The following ARFGEF2 variants were observed in gnomAD, a reference collection of about 807,000 sequenced individuals.
The protein encoded by ARFGEF2 is ARF guanine nucleotide exchange factor 2, also known as brefeldin A-inhibited guanine nucleotide-exchange protein 2.
Under a neutral mutation model 219.9 loss-of-function variants are expected in ARFGEF2, and 74 were observed. That is an observed-to-expected ratio of 0.34 (90% CI 0.28 to 0.41). The LOEUF (loss-of-function observed/expected upper bound fraction) is 0.41. ARFGEF2 is among the 10% of genes least tolerant of loss of function. The pLI is 1.00. For missense variants in ARFGEF2, 1,743 were observed against 2,218.3 expected, an observed-to-expected ratio of 0.79 and a Z score of 4.30; for synonymous variants, 733 against 799.2, an observed-to-expected ratio of 0.92 and a Z score of 1.40.
intron 34 of ARFGEF2, among the ~76,000 whole-genome samples, chr20:49,020,192 GC>G (rs2091557713): frequency 6.6e-6 from 1 of 152,148 alleles, no homozygotes; most frequent in African/African-American, 2.4e-5. Context: ...AAAGTTGTGT[GC>G]CCCATTGTTT....
chr20:49,017,135 A>G, intron 31 of ARFGEF2, 114 bp from the exon 32 acceptor site: 3 of 1,062,094 alleles, frequency 2.8e-6, no homozygotes. Flanking sequence ...CATTAATTAA[A>G]AGCCTAGAAA....
chr20:48,958,245 C>T (rs1275392248), intron 6 of ARFGEF2, among the ~76,000 whole-genome samples: 2 of 152,106 alleles, frequency 1.3e-5, no homozygotes, highest in Non-Finnish European at 2.9e-5. Context: ...GTTTTAAATG[C>T]TTTATGTGTA....
chr20:48,995,597 A>AT (rs1310591990), intron 22 of ARFGEF2, among the ~76,000 whole-genome samples, 186 bp from the exon 23 acceptor site: 5 of 152,230 alleles, frequency 3.3e-5, no homozygotes, highest in Non-Finnish European at 7.3e-5. Context: ...CTAAGGATAT[A>AT]TTTTAAATGC....
At chr20:48,974,153 TCTCA>T (rs1451181796) in intron 12 of ARFGEF2, among the ~76,000 whole-genome samples, 1 of 106,316 alleles carries the variant, frequency 9.4e-6, no homozygotes, top group Non-Finnish European at 1.8e-5. Flanking sequence ...TGAGACAGAA[TCTCA>T]CTCTGTCACC....
intron 33 of ARFGEF2, 55 bp downstream of exon 33, chr20:49,017,605 G>C (rs1252047948): frequency 6.3e-7 from 1 of 1,585,278 alleles, no homozygotes; most frequent in Non-Finnish European, 8.7e-7. Flanking sequence ...CTTAGTAAAA[G>C]ATCAATAAGC....
At chr20:49,001,246 G>A (rs1163455573) in intron 25 of ARFGEF2, among the ~76,000 whole-genome samples, 1 of 151,866 alleles carries the variant, frequency 6.6e-6, no homozygotes, top group Non-Finnish European at 1.5e-5. Flanking sequence ...CACCATGTTG[G>A]CCAGGCTGGT....
chr20:48,936,737 G>C (rs1255873606), intron 1 of ARFGEF2, among the ~76,000 whole-genome samples: 1 of 152,134 alleles, frequency 6.6e-6, no homozygotes, highest in South Asian at 2.1e-4. Context: ...ATGTTGGCCA[G>C]GCTGGTTTTG....
At chr20:49,005,035 A>G (rs2091449288) in intron 25 of ARFGEF2, 35 bp from the exon 26 acceptor site, 5 of 1,613,728 alleles carry the variant, frequency 3.1e-6, no homozygotes, top group Admixed American at 3.3e-5. Context: ...TTATTACACT[A>G]TACCTGTTTC....
At chr20:49,008,804 T>C (rs1568735182) in intron 26 of ARFGEF2, among the ~76,000 whole-genome samples, 1 of 147,228 alleles carries the variant, frequency 6.8e-6, no homozygotes, top group African/African-American at 2.5e-5. Context: ...GCCTCCCAGG[T>C]TCAAACTATT....
At position 49,036,559 on chromosome 20, in the gene ARFGEF2, A is replaced by G; in HGVS notation, c.*3360A>G. On this transcript the variant is annotated 3_prime_UTR_variant, in exon 39 of 39. Transcript: ENST00000371917. ...CATTCCTTGCCCAATGGATGTATAA[A>G]TTTTTGAAAGAATAAGCAGAATTAT... The G allele has an allele frequency of 4.1e-6, 1 of 245,020 alleles. No individual in the cohort carries two copies. Among genetic ancestry groups the G allele is most frequent in the Non-Finnish European group, 7.7e-6 (1 of 130,008 alleles). 15.2% of individuals were successfully genotyped at this position (245,020 alleles called of 1,614,324 possible).
chr20:48,968,273 G>A (rs1016046099), intron 8 of ARFGEF2, among the ~76,000 whole-genome samples: 3 of 152,082 alleles, frequency 2.0e-5, no homozygotes, highest in Non-Finnish European at 4.4e-5. Flanking sequence ...GATTACAGGC[G>A]TGAGCCACCG....
At chr20:48,935,330 C>T (rs1306646518) in intron 1 of ARFGEF2, among the ~76,000 whole-genome samples, 1 of 152,112 alleles carries the variant, frequency 6.6e-6, no homozygotes, top group Non-Finnish European at 1.5e-5. Flanking sequence ...ATCTGTTTAA[C>T]AAAGCACATC....
At chr20:49,006,151 G>A (rs796295897) in intron 26 of ARFGEF2, among the ~76,000 whole-genome samples, 43 of 152,086 alleles carry the variant, frequency 2.8e-4, no homozygotes, top group African/African-American at 9.7e-4. Flanking sequence ...AAAGTTAGCC[G>A]GGCGTGGTGG....
At chr20:48,999,932 AC>A (rs935588717) in intron 25 of ARFGEF2, among the ~76,000 whole-genome samples, 16 of 152,158 alleles carry the variant, frequency 1.1e-4, no homozygotes, top group Admixed American at 8.5e-4. Context: ...TAGTAAAAAA[AC>A]AATCCAGAAA....
chr20:48,967,265 G>A (rs2091194023), intron 8 of ARFGEF2, among the ~76,000 whole-genome samples: 1 of 152,166 alleles, frequency 6.6e-6, no homozygotes, highest in East Asian at 1.9e-4. Flanking sequence ...ATCTTCCCCT[G>A]TCAGTATATG....
intron 21 of ARFGEF2, among the ~76,000 whole-genome samples, chr20:48,992,190 G>A (rs965641616): frequency 1.3e-5 from 2 of 152,204 alleles, no homozygotes. Flanking sequence ...ATAAGAGATT[G>A]TGAGGCATTG....
At chr20:49,027,241 A>G (rs1309356753) in intron 36 of ARFGEF2, among the ~76,000 whole-genome samples, 1 of 151,886 alleles carries the variant, frequency 6.6e-6, no homozygotes, top group Non-Finnish European at 1.5e-5. Context: ...ACGCACCACC[A>G]CGCCAGTGGT....
chr20:48,935,534 T>C (rs1333829256), intron 1 of ARFGEF2, among the ~76,000 whole-genome samples: 1 of 152,218 alleles, frequency 6.6e-6, no homozygotes, highest in Non-Finnish European at 1.5e-5. Context: ...TCTCAATCTT[T>C]TCCCCACCTT....
intron 16 of ARFGEF2, among the ~76,000 whole-genome samples, chr20:48,985,841 T>C (rs2091323699): frequency 6.6e-6 from 1 of 152,202 alleles, no homozygotes; most frequent in African/African-American, 2.4e-5. Flanking sequence ...AGAGGTTAAC[T>C]TGCCCAAGAT....
Sources: allele counts gnomAD v4.1 joint callset (sites outside exome capture counted in the v4.1 genomes callset), GRCh38; gene constraint gnomAD v4.1.1; transcripts MANE v1.5; gene names NCBI Gene and HGNC (gene_info 2026-07-23, HGNC 2026-07-21).